ERBIN: variants seen among roughly 807,000 people sequenced by gnomAD.
The protein encoded by ERBIN is erbb2 interacting protein.
A neutral mutation model predicts 158.4 loss-of-function variants in ERBIN; 60 were observed. That is an observed-to-expected ratio of 0.38 (90% CI 0.31 to 0.47). The LOEUF (loss-of-function observed/expected upper bound fraction) is 0.47, where lower values mean the gene tolerates loss of function less well. ERBIN is among the 20% of genes least tolerant of loss of function. The pLI is 0.99. For synonymous variants in ERBIN, 594 were observed against 557.2 expected, an observed-to-expected ratio of 1.07 and a Z score of -0.93; for missense variants, 1,610 against 1,648.0, an observed-to-expected ratio of 0.98 and a Z score of 0.40.
chr5:66,063,593 C>T (rs990470268), intron 21 of ERBIN, among the ~76,000 whole-genome samples: 3 of 152,146 alleles, frequency 2.0e-5, no homozygotes, highest in African/African-American at 4.8e-5. Context: ...CCCGGTACCT[C>T]AGTTGGAAGT....
chr5:66,061,622 C>T (rs1255524595), intron 21 of ERBIN, among the ~76,000 whole-genome samples: 2 of 152,170 alleles, frequency 1.3e-5, no homozygotes, highest in Admixed American at 1.3e-4. Context: ...TTAGTTGATG[C>T]AGTTTCTTCC....
intron 2 of ERBIN, 21 bp from the exon 3 acceptor site, chr5:65,992,687 TTC>T: frequency 6.5e-7 from 1 of 1,534,842 alleles, no homozygotes; most frequent in East Asian, 2.3e-5. Context: ...TGTTTTAAAT[TTC>T]TTTTTATTCG....
chr5:66,055,987 A>G (rs1183426660), intron 21 of ERBIN, among the ~76,000 whole-genome samples: 2 of 152,168 alleles, frequency 1.3e-5, no homozygotes, highest in Non-Finnish European at 2.9e-5. Context: ...TATTTCATCT[A>G]GTAACTCTGT....
intron 13 of ERBIN, 23 bp downstream of exon 13, chr5:66,026,440 GT>G: frequency 7.3e-7 from 1 of 1,363,012 alleles, no homozygotes; most frequent in Non-Finnish European, 1.0e-6. Context: ...ATATTCATCA[GT>G]TGGTTTATAG....
chr5:66,001,022 A>G (rs1752967436), intron 4 of ERBIN, among the ~76,000 whole-genome samples: 1 of 152,158 alleles, frequency 6.6e-6, no homozygotes, highest in Admixed American at 6.5e-5. Flanking sequence ...AAAAATTAAT[A>G]AAGCACACAT....
chr5:66,024,300 T>G lies in ERBIN; in HGVS notation c.673-6T>G. 6.8e-7 allele frequency: 1 copy of G among 1,479,610 alleles called. No individual in the cohort carries two copies. Among genetic ancestry groups the G allele is most frequent in the Non-Finnish European group, 9.2e-7 (1 of 1,088,406 alleles). The allele number at this position is 1,479,610 out of a possible 1,614,324, so 91.7% of individuals were successfully genotyped here. A position where few individuals can be genotyped will look rare whatever the true frequency, so the allele number is the denominator to read the frequency against. On this transcript the variant is annotated splice_region_variant and splice_polypyrimidine_tract_variant and intron_variant, in intron 9 of 25. Coordinates refer to ENST00000284037, the MANE Select transcript of ERBIN (RefSeq NM_001253697.2). ...GAGTCATTAGATTTTCTTTTTTTAC[T>G]TATAGTTTATTGGTAGTTTGAAACA... is the stretch of plus-strand genomic sequence containing the variant.
chr5:65,950,787 T>C (rs1036093429), intron 1 of ERBIN, among the ~76,000 whole-genome samples: 9 of 151,696 alleles, frequency 5.9e-5, no homozygotes, highest in South Asian at 2.1e-4. Context: ...AGCATTCATA[T>C]GTATTTTTTT....
intron 4 of ERBIN, among the ~76,000 whole-genome samples, chr5:66,004,211 A>C (rs1306227859): frequency 6.6e-6 from 1 of 150,982 alleles, no homozygotes; most frequent in East Asian, 2.0e-4. Context: ...CTCCCAAAGT[A>C]GTGGGAATAC....
rs553624971 is a variant in ERBIN at position 65,927,983 on chromosome 5, A to G, written c.-58+1177A>G. Among the ~76,000 whole-genome samples the G allele has an allele frequency of 5.3e-5, 8 of 152,256 alleles. No individual in the cohort carries two copies. The East Asian group carries it at 1.2e-3, about 22-fold the overall frequency. ...GAATATATATTGAATAAATTTGGTA[A>G]TCCTGTTGGTAGGTATATCCTAAAT... On this transcript the variant is annotated intron_variant, in intron 1 of 25. Coordinates refer to ENST00000284037, the MANE Select transcript of ERBIN (RefSeq NM_001253697.2).
At chr5:65,945,265 A>G (rs553939358) in intron 1 of ERBIN, among the ~76,000 whole-genome samples, 10 of 152,244 alleles carry the variant, frequency 6.6e-5, no homozygotes, top group African/African-American at 2.4e-4. Flanking sequence ...GTGGAAGGCA[A>G]CTAGTATGAC....
chr5:66,023,673 A>ATT (rs145788640), intron 9 of ERBIN, among the ~76,000 whole-genome samples: 1,336 of 131,588 alleles, frequency 0.01, 18 homozygotes, highest in Non-Finnish European at 0.016. Flanking sequence ...AACTTTCTGA[A>ATT]TTTTTTTTTT....
rs1352974388 is a variant in ERBIN at position 65,992,867 on chromosome 5, A to T, written c.149A>T (p.Glu50Val). ...EIFTFEKTLE[E>V]LYLDANQIEE... ...TTTACTTTTGAAAAAACCTTGGAGG[A>T]ACTCTATTTAGATGCTAATCAGATT... Residue 50 changes from glutamate (E) to valine (V), a missense_variant, in exon 3 of 26, where the codon GAA becomes GTA. Physicochemically the swap from Glu to Val is moderately radical, Grantham distance 121 (BLOSUM62 -2). This residue lies in a region of ERBIN where 596 missense variants were observed against 711.9 expected (regional missense o/e 0.84). Coordinates refer to ENST00000284037, the MANE Select transcript of ERBIN (RefSeq NM_001253697.2). 1 of 1,611,392 alleles carries T rather than the reference A, an allele frequency of 6.2e-7. No individual in the cohort carries two copies.
At chr5:65,977,951 A>T (rs1580229196) in intron 1 of ERBIN, among the ~76,000 whole-genome samples, 1 of 49,944 alleles carries the variant, frequency 2.0e-5, no homozygotes, top group Non-Finnish European at 4.8e-5. Context: ...GGTTAGGGAG[A>T]GGGTTAGGGG....
intron 2 of ERBIN, among the ~76,000 whole-genome samples, chr5:65,991,037 T>A (rs546280718): frequency 6.6e-5 from 10 of 152,322 alleles, no homozygotes; most frequent in African/African-American, 2.4e-4. Context: ...ATTACCGGTC[T>A]GAGCTACTGC....
At chr5:66,048,539 C>G in intron 18 of ERBIN, 128 bp from the exon 19 acceptor site, 2 of 623,802 alleles carry the variant, frequency 3.2e-6, no homozygotes, top group Non-Finnish European at 5.7e-6. Context: ...TATTTTATTG[C>G]CGTATCTTGA....
intron 20 of ERBIN, among the ~76,000 whole-genome samples, chr5:66,051,894 CA>C (rs35074022): frequency 7.3e-4 from 101 of 138,660 alleles, no homozygotes; most frequent in Admixed American, 1.6e-3. Context: ...GGCCTTGTCT[CA>C]AAAAAAAAAA....
chr5:66,078,766 A>G lies in ERBIN; in HGVS notation c.*236A>G. On this transcript the variant is annotated 3_prime_UTR_variant, in exon 26 of 26. Transcript: ENST00000284037. ...AACTTGTTAGGTTTTTAAACATAGC[A>G]ATCAAGGCTACAAAAACAAACCTGT... 1 of 449,700 alleles carries G rather than the reference A, an allele frequency of 2.2e-6. No individual in the cohort carries two copies. Among genetic ancestry groups the G allele is most frequent in the South Asian group, 3.0e-5 (1 of 33,744 alleles). The allele number at this position is 449,700 out of a possible 1,614,324, so 27.9% of individuals were successfully genotyped here.
intron 1 of ERBIN, among the ~76,000 whole-genome samples, chr5:65,963,206 C>CT (rs1391716467): frequency 6.6e-6 from 1 of 152,032 alleles, no homozygotes; most frequent in African/African-American, 2.4e-5. Context: ...GAATAAATTA[C>CT]TTTTTTATTC....
chr5:65,929,657 T>TTTTC (rs1561255174), intron 1 of ERBIN, among the ~76,000 whole-genome samples: 1 of 141,428 alleles, frequency 7.1e-6, no homozygotes, highest in African/African-American at 2.6e-5. Flanking sequence ...TTTTTTTTTT[T>TTTTC]CGAGATGGAG....
Sources: allele counts gnomAD v4.1 joint callset (sites outside exome capture counted in the v4.1 genomes callset), GRCh38; gene constraint gnomAD v4.1.1; regional missense constraint gnomAD v4.1.1; transcripts MANE v1.5; gene names NCBI Gene and HGNC (gene_info 2026-07-23, HGNC 2026-07-21).